PARD3B: variants seen among roughly 807,000 people sequenced by gnomAD.
PARD3B encodes par-3 family cell polarity regulator beta, also known as partitioning defective 3 homolog B.
Under a neutral mutation model 130.2 loss-of-function variants are expected in PARD3B, and 103 were observed. The ratio of observed to expected loss-of-function variants is 0.79; its 90% CI spans 0.67 to 0.93. The LOEUF (loss-of-function observed/expected upper bound fraction) is 0.93. Ranked by LOEUF, PARD3B falls within the 40% of genes least tolerant of loss-of-function variation. The pLI is 0.00. For missense variants in PARD3B, 1,609 were observed against 1,499.2 expected (o/e 1.07, Z -1.21); for synonymous variants, 583 against 553.2 (o/e 1.05, Z -0.76).
At chr2:205,178,461 A>G (rs2035610143) in intron 13 of PARD3B, among the ~76,000 whole-genome samples, 1 of 152,198 alleles carries the variant, frequency 6.6e-6, no homozygotes, top group Non-Finnish European at 1.5e-5. Flanking sequence ...AAAGAAAAAA[A>G]AGAAATTAAA....
intron 18 of PARD3B, among the ~76,000 whole-genome samples, chr2:205,318,524 G>A (rs2042637290): frequency 6.6e-6 from 1 of 152,102 alleles, no homozygotes; most frequent in South Asian, 2.1e-4. Flanking sequence ...TTTGTCCTGT[G>A]TATCCTACCT....
chr2:204,843,702 CCCAGAGTTTAAAG>C (rs1316508160), intron 2 of PARD3B, among the ~76,000 whole-genome samples: 1 of 152,138 alleles, frequency 6.6e-6, no homozygotes, highest in Non-Finnish European at 1.5e-5. Context: ...AATCAACCTG[CCCAGAGTTTAAAG>C]CCAGAGAAGC....
intron 2 of PARD3B, among the ~76,000 whole-genome samples, chr2:204,909,379 T>C (rs1413204059): frequency 6.6e-6 from 1 of 152,208 alleles, no homozygotes; most frequent in Non-Finnish European, 1.5e-5. Flanking sequence ...TAAATGCCCA[T>C]TCATATCATG....
At chr2:204,986,101 C>CAAAAA (rs371839271) in intron 3 of PARD3B, among the ~76,000 whole-genome samples, 3 of 51,234 alleles carry the variant, frequency 5.9e-5, no homozygotes, top group East Asian at 7.0e-4. Flanking sequence ...ACTCTGTCTC[C>CAAAAA]AAAAAAAAAA....
At chr2:204,905,283 C>T (rs1559245411) in intron 2 of PARD3B, among the ~76,000 whole-genome samples, 1 of 152,164 alleles carries the variant, frequency 6.6e-6, no homozygotes, top group Non-Finnish European at 1.5e-5. Context: ...AGTTACCAAA[C>T]TGTGTAGCAG....
At chr2:204,595,307 A>G (rs1400761384) in intron 1 of PARD3B, among the ~76,000 whole-genome samples, 1 of 152,214 alleles carries the variant, frequency 6.6e-6, no homozygotes, top group Non-Finnish European at 1.5e-5. Flanking sequence ...TGTCTAAACC[A>G]TTGACAGTGG....
At position 205,572,028 on chromosome 2, in the gene PARD3B, GA is replaced by G. The variant is rs2053575792; in HGVS notation, c.3260+18626del. On this transcript the variant is annotated intron_variant, in intron 22 of 22. Transcript: ENST00000406610. This position sits in a 1 kb window ranked among gnomAD's most constrained non-coding sequence, Gnocchi z 4.2. ...GGGAAATTGGAGCAGTCGAGCTGTG[GA>G]GTTATTTTGTTTATTGTTCTGAAGT... 6.6e-6 allele frequency among the ~76,000 whole-genome samples: 1 copy of G among 152,206 alleles called. No homozygotes were observed. Among genetic ancestry groups the G allele is most frequent in the Non-Finnish European group, 1.5e-5 (1 of 68,038 alleles).
chr2:204,780,951 G>A (rs2041816204), intron 2 of PARD3B, among the ~76,000 whole-genome samples: 1 of 152,140 alleles, frequency 6.6e-6, no homozygotes, highest in Non-Finnish European at 1.5e-5. Flanking sequence ...GAATGGGGGT[G>A]ACCATCAATA....
intron 18 of PARD3B, among the ~76,000 whole-genome samples, chr2:205,320,877 C>T (rs2042729890): frequency 6.6e-6 from 1 of 152,162 alleles, no homozygotes; most frequent in Non-Finnish European, 1.5e-5. Context: ...TATACATACA[C>T]TGGGGGAAAG....
At chr2:205,088,257 C>T (rs1230667235) in intron 4 of PARD3B, among the ~76,000 whole-genome samples, 1 of 152,046 alleles carries the variant, frequency 6.6e-6, no homozygotes, top group South Asian at 2.1e-4. Context: ...TACAGAGTAA[C>T]TTCCTTTAGA....
rs143673836 is a variant in PARD3B at position 204,982,328 on chromosome 2, C to T, written c.394+17005C>T. Among the ~76,000 whole-genome samples, 277 of 152,254 alleles carry T rather than the reference C, an allele frequency of 1.8e-3. 1 individual carries two copies. The highest frequency in any genetic ancestry group is 6.4e-3 in the African/African-American group (266 of 41,560). On this transcript the variant is annotated intron_variant, in intron 3 of 22. Coordinates refer to ENST00000406610, the MANE Select transcript of PARD3B (RefSeq NM_001302769.2). ...TTTCTTGTAAGATTGCTGTCAGCTG[C>T]TTCAAGGAGCTACTCACCCTGTTTT...
At chr2:205,596,573 G>A (rs2054577785) in intron 22 of PARD3B, among the ~76,000 whole-genome samples, 3 of 152,100 alleles carry the variant, frequency 2.0e-5, no homozygotes, top group Admixed American at 2.0e-4. Context: ...AATTATCATG[G>A]GGTGCTTAGA....
Position 205,460,121 on chromosome 2 carries a change from T to C in PARD3B, c.3044+19449T>C, listed in dbSNP as rs779585106. Among the ~76,000 whole-genome samples, 4 of 152,216 alleles carry C rather than the reference T, an allele frequency of 2.6e-5. No individual in the cohort carries two copies. Among genetic ancestry groups the C allele is most frequent in the Admixed American group, 6.5e-5 (1 of 15,274 alleles). On this transcript the variant is annotated intron_variant, in intron 20 of 22. Transcript: ENST00000406610. This position sits in a 1 kb window ranked among gnomAD's most constrained non-coding sequence, Gnocchi z 4.9. ...GTTTAGAATCTGGAAAACAACTTTT[T>C]TGAGTCTCTGCAATTTCCAAGTCTC...
At chr2:204,999,266 A>G (rs1052253056) in intron 3 of PARD3B, among the ~76,000 whole-genome samples, 5 of 152,156 alleles carry the variant, frequency 3.3e-5, no homozygotes, top group Non-Finnish European at 1.5e-5. Context: ...ATTGCTACAA[A>G]AGCACTAAGG....
rs2048794670 is a variant in PARD3B, at chr2:205,470,680, A to G, written c.3045-29216A>G. Among the ~76,000 whole-genome samples, 1 of 151,978 alleles carries G rather than the reference A, an allele frequency of 6.6e-6. No homozygotes were observed. The highest frequency in any genetic ancestry group is 2.4e-5 in the African/African-American group (1 of 41,250). ...CCCACTTAGATCCTCTGGCTTAGAA[A>G]CTACTGAAGATCTGTAAAACGTAAT... On this transcript the variant is annotated intron_variant, in intron 20 of 22. Transcript: ENST00000406610. This position sits in a 1 kb window ranked among gnomAD's most constrained non-coding sequence, Gnocchi z 4.8.
At chr2:205,423,886 G>C (rs1242615405) in intron 19 of PARD3B, among the ~76,000 whole-genome samples, 2 of 152,040 alleles carry the variant, frequency 1.3e-5, no homozygotes, top group South Asian at 4.2e-4. Context: ...GGAACTAAAT[G>C]ATGAGAACAC....
intron 3 of PARD3B, among the ~76,000 whole-genome samples, chr2:205,008,075 AG>A (rs990210066): frequency 5.3e-5 from 8 of 152,162 alleles, no homozygotes; most frequent in Admixed American, 5.2e-4. Context: ...AAAAACTAAA[AG>A]AAGAGTGGAA....
chr2:205,151,266 T>C (rs538763200), intron 10 of PARD3B, among the ~76,000 whole-genome samples: 8 of 152,172 alleles, frequency 5.3e-5, no homozygotes, highest in Non-Finnish European at 1.0e-4. Context: ...GTTCTATAGA[T>C]GTCTATTAGG....
chr2:205,161,852 G>T (rs2034524879), intron 11 of PARD3B, among the ~76,000 whole-genome samples: 1 of 152,170 alleles, frequency 6.6e-6, no homozygotes, highest in South Asian at 2.1e-4. Flanking sequence ...TTTAGGGAAG[G>T]TGGATTTTTT....
Sources: gnomAD v4.1 joint callset for allele counts (sites outside exome capture counted in the v4.1 genomes callset) on GRCh38, gnomAD v4.1.1 for gene constraint, Gnocchi (gnomAD v3.1) non-coding constraint, MANE v1.5 for transcripts, NCBI Gene and HGNC (gene_info 2026-07-23, HGNC 2026-07-21) for gene names.